Variants in EPHA1 observed in about 807,000 individuals in gnomAD.
EPHA1 encodes the protein EPH receptor A1, also known as ephrin type-A receptor 1.
Under a neutral mutation model 110.1 loss-of-function variants are expected in EPHA1, and 92 were observed. The ratio of observed to expected loss-of-function variants is 0.84; its 90% confidence interval spans 0.71 to 0.99. The LOEUF (loss-of-function observed/expected upper bound fraction) is 0.99. Ranked by LOEUF, EPHA1 falls within the 50% of genes least tolerant of loss-of-function variation. The pLI is 0.00. For synonymous variants in EPHA1, 500 were observed against 516.1 expected (o/e 0.97, Z 0.42); for missense variants, 1,204 against 1,285.4 (o/e 0.94, Z 0.97).
chr7:143,397,403 C>A, intron 9 of EPHA1, 41 bp from the exon 10 acceptor site: 1 of 1,550,272 alleles, frequency 6.5e-7, no homozygotes. Flanking sequence ...GCCCCAGGAC[C>A]ACCTCAGGGG....
At position 143,401,391 on chromosome 7, in the gene EPHA1, A is replaced by T; in HGVS notation, c.365T>A (p.Phe122Tyr). 1 of 1,614,120 alleles carries T rather than the reference A, an allele frequency of 6.2e-7. No homozygotes were observed. Among genetic ancestry groups the T allele is most frequent in the South Asian group, 1.1e-5 (1 of 91,074 alleles). ...GTCACTCTCCATGTACAGAAGGTTG[A>T]AGGTCTCCTTGCAGCCCAGAGGCCC... ...GAGPLGCKET[F>Y]NLLYMESDQD... The change falls in exon 3 of 18, where the codon TTC becomes TAC. Residue 122 changes from phenylalanine (F) to tyrosine (Y), a missense_variant. Transcript: ENST00000275815. This position sits in a 1 kb window ranked among gnomAD's most constrained non-coding sequence, Gnocchi z 4.1.
At position 143,401,636 on chromosome 7, in the gene EPHA1, G is replaced by C. The variant is rs1177414939; in HGVS notation, c.151-31C>G. ...AGGAGGAAATCAGAGTCAGGGACCA[G>C]ATCATCCCCTGCTCCCCAAACCCTT... On this transcript the variant is annotated intron_variant, in intron 2 of 17. Coordinates refer to ENST00000275815, the MANE Select transcript of EPHA1 (RefSeq NM_005232.5). The surrounding 1 kb of genome is among the most constrained non-coding windows in gnomAD (Gnocchi z 4.1). The C allele has an allele frequency of 6.3e-7, 1 of 1,597,738 alleles. No homozygotes were observed. The highest frequency in any genetic ancestry group is 1.1e-5 in the South Asian group (1 of 89,866).
rs555105142 is a variant in EPHA1 at position 143,404,439 on chromosome 7, G to A, written c.151-2834C>T. Among the ~76,000 whole-genome samples, 28 of 152,092 alleles carry A rather than the reference G, an allele frequency of 1.8e-4. No individual in the cohort carries two copies. The South Asian group carries it at 5.6e-3, about 30-fold the overall frequency. On this transcript the variant is annotated intron_variant, in intron 2 of 17. Coordinates refer to ENST00000275815, the MANE Select transcript of EPHA1 (RefSeq NM_005232.5). ...TCACTGTGTTAGCCAGGATGGTCTC[G>A]ATCTCCTGACCTCAGGATCCGCCCG...
At position 143,399,332 on chromosome 7, in the gene EPHA1, T is replaced by A; in HGVS notation, c.917A>T (p.Glu306Val). 6.2e-7 allele frequency: 1 copy of A among 1,612,528 alleles called. No individual in the cohort carries two copies. Among genetic ancestry groups the A allele is most frequent in the Non-Finnish European group, 8.5e-7 (1 of 1,179,808 alleles). Residue 306 changes from glutamate (E) to valine (V), a missense_variant, in exon 5 of 18, where the codon GAG (glutamate) becomes GTG (valine). Physicochemically the swap from Glu to Val is moderately radical, Grantham distance 121 (BLOSUM62 -2). Transcript: ENST00000275815. ...TCPQQSTAES[E>V]GATICTCESG... ...CTCACAGGTACAGATGGTGGCCCCC[T>A]CAGACTCAGCAGTGCTCTGCTGGGG...
At position 143,408,019 on chromosome 7, in the gene EPHA1, G is replaced by A. The variant is rs537686286; in HGVS notation, c.83-341C>T. 6.9e-5 allele frequency: 13 copies of A among 188,162 alleles called. No homozygotes were observed. The South Asian group carries it at 1.6e-3, about 23-fold the overall frequency. 11.7% of individuals were successfully genotyped at this position (188,162 alleles called of 1,614,324 possible). A position where few individuals can be genotyped will look rare whatever the true frequency, so the allele number is the denominator to read the frequency against. On this transcript the variant is annotated intron_variant, in intron 1 of 17. Coordinates refer to ENST00000275815, the MANE Select transcript of EPHA1 (RefSeq NM_005232.5). ...CACCCATCAGCTGCAGGATTGGAAC[G>A]CGTGGAGGGCAGGAGGAGCTCACCT... is the stretch of plus-strand genomic sequence containing the variant.
intron 15 of EPHA1, 145 bp from the exon 16 acceptor site, chr7:143,394,009 G>A (rs1428045633): frequency 1.6e-6 from 2 of 1,228,930 alleles, no homozygotes; most frequent in Non-Finnish European, 2.2e-6. Flanking sequence ...CACAGTGGGA[G>A]GATCAGGGTG....
At chr7:143,403,613 A>C (rs1805476840) in intron 2 of EPHA1, among the ~76,000 whole-genome samples, 1 of 152,206 alleles carries the variant, frequency 6.6e-6, no homozygotes, top group Admixed American at 6.5e-5. Flanking sequence ...TACAGGTTTT[A>C]TAAGATACTG....
In EPHA1 at chr7:143,396,523, C is replaced by T; in HGVS notation, c.1772-13G>A. ...CACAGCTTGTCCTCTATGGGCAGAA[C>T]ATGAGGTTGGGGAGTACCAACATCA... is the stretch of plus-strand genomic sequence containing the variant. On this transcript the variant is annotated splice_polypyrimidine_tract_variant and intron_variant, in intron 10 of 17. Coordinates refer to ENST00000275815, the MANE Select transcript of EPHA1 (RefSeq NM_005232.5). 1 of 1,613,346 alleles carries T rather than the reference C, an allele frequency of 6.2e-7. No homozygotes were observed. Among genetic ancestry groups the T allele is most frequent in the Non-Finnish European group, 8.5e-7 (1 of 1,179,518 alleles).
At chr7:143,392,681 C>T (rs530559547) in intron 16 of EPHA1, among the ~76,000 whole-genome samples, 9 of 152,262 alleles carry the variant, frequency 5.9e-5, no homozygotes, top group East Asian at 1.9e-4. Flanking sequence ...AGGTGGCCCA[C>T]GCCTGTAATC....
At chr7:143,396,620 C>A in intron 10 of EPHA1, 110 bp from the exon 11 acceptor site, 1 of 1,365,962 alleles carries the variant, frequency 7.3e-7, no homozygotes, top group Non-Finnish European at 1.0e-6. Flanking sequence ...TCCCTGTTTC[C>A]CAAGGTGACT....
rs769052913 is a variant in EPHA1, at chr7:143,391,437, G to A, written c.*20C>T. On this transcript the variant is annotated 3_prime_UTR_variant, in exon 18 of 18. Coordinates refer to ENST00000275815, the MANE Select transcript of EPHA1 (RefSeq NM_005232.5). ...TCCTTGCTCCTTGCACCCTGATTGGGCATGGGGTGAGAGGAGGGATCAGTC... is the reference window on the plus strand; with the variant it reads ...TCCTTGCTCCTTGCACCCTGATTGGACATGGGGTGAGAGGAGGGATCAGTC... 2 of 1,613,688 alleles carry A rather than the reference G, an allele frequency of 1.2e-6. No individual in the cohort carries two copies. The highest frequency in any genetic ancestry group is 1.1e-5 in the South Asian group (1 of 90,988).
In EPHA1 at chr7:143,401,341, G is replaced by A. The variant is rs551009816; in HGVS notation, c.415C>T (p.Arg139Trp). The change falls in exon 3 of 18, where the codon CGG becomes TGG. Residue 139 changes from arginine to tryptophan, a missense_variant. Coordinates refer to ENST00000275815, the MANE Select transcript of EPHA1 (RefSeq NM_005232.5). This position sits in a 1 kb window ranked among gnomAD's most constrained non-coding sequence, Gnocchi z 4.1. ...SDQDVGIQLR[R>W]PLFQKVTTVA... ...AGCAGCACCTTCTGGAACAAGGGCC[G>A]TCGGAGCTGAATGCCCACATCCTGG... The A allele has an allele frequency of 1.4e-5, 22 of 1,613,888 alleles. No homozygotes were observed. In the Admixed American group the frequency reaches 2.5e-4, roughly 18 times the overall value.
chr7:143,405,525 G>C lies in EPHA1; in HGVS notation c.150+2086C>G, dbSNP rs186642469. 2.1e-3 allele frequency among the ~76,000 whole-genome samples: 316 copies of C among 152,192 alleles called. 1 individual carries two copies. The highest frequency in any genetic ancestry group is 7.2e-3 in the African/African-American group (297 of 41,502). ...TAGTGGGAGTGTATGACTGCTGGCT[G>C]TCTCCTTGCCCTCCTAGCATGCAGG... On this transcript the variant is annotated intron_variant, in intron 2 of 17. Coordinates refer to ENST00000275815, the MANE Select transcript of EPHA1 (RefSeq NM_005232.5).
chr7:143,391,618 A>C lies in EPHA1; in HGVS notation c.2852+2T>G. The C allele has an allele frequency of 6.2e-7, 1 of 1,613,902 alleles. No individual in the cohort carries two copies. On this transcript the variant is annotated splice_donor_variant, in intron 17 of 17. Coordinates refer to ENST00000275815, the MANE Select transcript of EPHA1 (RefSeq NM_005232.5). LOFTEE classifies it high-confidence loss of function. ...CCTGCCCAGACAGCTCCAGCTCCTT[A>C]CTCAGCGGTCAGCTCCAGCACACAC...
intron 1 of EPHA1, among the ~76,000 whole-genome samples, chr7:143,408,074 G>A (rs1395275246): frequency 6.6e-6 from 1 of 152,172 alleles, no homozygotes; most frequent in Admixed American, 6.5e-5. Context: ...AGGGTGGACC[G>A]GGGACCTCAG....
In EPHA1 at chr7:143,394,870, T is replaced by C. The variant is rs750490381; in HGVS notation, c.2290A>G (p.Lys764Glu). 61 of 1,614,120 alleles carry C rather than the reference T, an allele frequency of 3.8e-5. No homozygotes were observed. Among genetic ancestry groups the C allele is most frequent in the Non-Finnish European group, 5.2e-5 (61 of 1,180,012 alleles). ...NILVNQNLCC[K>E]VSDFGLTRLL... is the part of the protein sequence containing the mutation. ...CGAGTCAGGCCAAAGTCAGACACCT[T>C]GCAGCACAGGTTTTGATTCACCAAG... Residue 764 changes from lysine to glutamate, a missense_variant, in exon 14 of 18, where the codon AAG becomes GAG. By Grantham distance (56) the Lys-to-Glu change is moderately conservative. Transcript: ENST00000275815.
In EPHA1 at chr7:143,398,778, C is replaced by T. The variant is rs150254405; in HGVS notation, c.1159G>A (p.Gly387Arg). 2.5e-6 allele frequency: 4 copies of T among 1,613,754 alleles called. No individual in the cohort carries two copies. Among genetic ancestry groups the T allele is most frequent in the African/African-American group, 1.3e-5 (1 of 74,940 alleles). ...AQDGGPCQPC[G>R]VGVHFSPGAR... is the part of the protein sequence containing the mutation. ...CCCGGCGAGAAGTGCACGCCCACCC[C>T]ACAGGGCTGGCAGGGCCCCCCGTCC... The change falls in exon 6 of 18, where the codon GGG becomes AGG. Residue 387 changes from glycine to arginine, a missense_variant. Gly to Arg is a moderately radical substitution (Grantham distance 125). Transcript: ENST00000275815.
At position 143,391,508 on chromosome 7, in the gene EPHA1, C is replaced by CA. The variant is rs1340475720; in HGVS notation, c.2879dup (p.Pro961AlafsTer52). 1 of 1,614,186 alleles carries CA rather than the reference C, an allele frequency of 6.2e-7. No individual in the cohort carries two copies. Among genetic ancestry groups the CA allele is most frequent in the Admixed American group, 1.7e-5 (1 of 60,028 alleles). On this transcript the variant is annotated frameshift_variant, in exon 18 of 18. Transcript: ENST00000275815. LOFTEE classifies it high-confidence loss of function. ...AAAGAATGCGCTTCTGGTGCCCGGG[C>CA]AGTGTGATTCCCATCTGCGTCAGGT...
chr7:143,407,702 C>CT, intron 1 of EPHA1, 24 bp from the exon 2 acceptor site: 1 of 1,610,476 alleles, frequency 6.2e-7, no homozygotes, highest in South Asian at 1.1e-5. Flanking sequence ...GAAAAGAAGT[C>CT]TGTCACCTCT....
Sources: gnomAD v4.1 joint callset for allele counts (sites outside exome capture counted in the v4.1 genomes callset) on GRCh38, gnomAD v4.1.1 for gene constraint, Gnocchi (gnomAD v3.1) non-coding constraint, MANE v1.5 for transcripts, NCBI Gene and HGNC (gene_info 2026-07-23, HGNC 2026-07-21) for gene names.